Variants in PRICKLE3 observed in about 807,000 individuals in gnomAD.
The protein encoded by PRICKLE3 is LIM domain only protein 6.
PRICKLE3 carries 17 observed loss-of-function variants against 33.8 expected under a neutral mutation model. That is an observed-to-expected ratio of 0.50 (90% CI 0.34 to 0.75). The LOEUF (loss-of-function observed/expected upper bound fraction) is 0.75, where lower values mean the gene tolerates loss of function less well. Ranked by LOEUF, PRICKLE3 falls within the 30% of genes least tolerant of loss-of-function variation. The pLI is 0.01. For missense variants in PRICKLE3, 573 were observed against 576.7 expected, an observed-to-expected ratio of 0.99 and a Z score of 0.07; for synonymous variants, 211 against 219.6, an observed-to-expected ratio of 0.96 and a Z score of 0.34.
chrX:49,186,251 C>A lies in PRICKLE3; in HGVS notation c.42+5G>T. ...ACCCCCACCGCTGCCCTGACTCCCG[C>A]TCACCGCACGCCCGGAGCGGCGCCT... On this transcript the variant is annotated splice_donor_5th_base_variant and intron_variant, in intron 1 of 8. Transcript: ENST00000599218. 1 of 1,157,726 alleles carries A rather than the reference C, an allele frequency of 8.6e-7. No homozygotes were observed. Among genetic ancestry groups the A allele is most frequent in the South Asian group, 1.9e-5 (1 of 52,125 alleles).
In PRICKLE3 at chrX:49,183,757, G is replaced by A. The variant is rs1389845836; in HGVS notation, c.289C>T (p.Pro97Ser). ...ACCTGCTCCGGCTTAAGGCCTGGGG[G>A]CACCCAGGCATACTCCTCCGATGCA... ...GCASEEYAWV[P>S]PGLKPEQVYQ... The change falls in exon 3 of 9, where the codon CCC becomes TCC. Residue 97 changes from proline (P) to serine (S), a missense_variant. Transcript: ENST00000599218. 3.3e-6 allele frequency: 4 copies of A among 1,209,933 alleles called. No homozygotes were observed. Among genetic ancestry groups the A allele is most frequent in the Non-Finnish European group, 4.5e-6 (4 of 895,122 alleles).
rs1471951189 is a variant in PRICKLE3, at chrX:49,176,903, C to A, written c.1255G>T (p.Ala419Ser). ...TKGTSTELAP[A>S]TGPEEPSRFL... The stretch of plus-strand genomic sequence containing the variant: ...GGGTGTGGCTAGAGGGTTAGCTCAC[C>A]TGGCGCTAACTCTGTGCTGGTGCCT... The change falls in exon 8 of 9, where the codon GCT becomes TCT. Residue 419 changes from alanine to serine, a missense_variant and splice_region_variant. Coordinates refer to ENST00000599218, the MANE Select transcript of PRICKLE3 (RefSeq NM_006150.5). 1 of 1,186,026 alleles carries A rather than the reference C, an allele frequency of 8.4e-7. No homozygotes were observed. Among genetic ancestry groups the A allele is most frequent in the African/African-American group, 1.8e-5 (1 of 56,076 alleles).
Position 49,178,082 on chromosome X carries a change from C to T in PRICKLE3, c.866G>A (p.Arg289His), listed in dbSNP as rs782568147. The T allele has an allele frequency of 5.5e-4, 648 of 1,179,016 alleles. 4 individuals carry two copies. The South Asian group carries it at 0.011, about 21-fold the overall frequency. Residue 289 changes from arginine (R) to histidine (H), a missense_variant, in exon 7 of 9, where the codon CGC becomes CAC. Coordinates refer to ENST00000599218, the MANE Select transcript of PRICKLE3 (RefSeq NM_006150.5). ...GGGGCGGCTCTGACGCATGACATAGCGCTGCCCTCCTAGTGAAGCTTCACA... is the reference window on the plus strand; with the variant it reads ...GGGGCGGCTCTGACGCATGACATAGTGCTGCCCTCCTAGTGAAGCTTCACA... ...FECEASLGGQRYVMRQSRPHC... is the reference protein window; with the variant it reads ...FECEASLGGQHYVMRQSRPHC...
At chrX:49,181,527 ATG>A (rs1491160714) in intron 3 of PRICKLE3, among the ~76,000 whole-genome samples, 3 of 92,460 alleles carry the variant, frequency 3.2e-5, no homozygotes, top group Non-Finnish European at 6.4e-5. Flanking sequence ...ATACGTATAT[ATG>A]TGTATATATA....
Position 49,177,019 on chromosome X carries a change from C to T in PRICKLE3, c.1139G>A (p.Arg380His), listed in dbSNP as rs782707548. 7.5e-6 allele frequency: 9 copies of T among 1,207,753 alleles called. No individual in the cohort carries two copies. The highest frequency in any genetic ancestry group is 2.2e-5 in the Admixed American group (1 of 45,652). ...SEPTAPGPSRRSWSAGPVTAP... is the reference protein window; with the variant it reads ...SEPTAPGPSRHSWSAGPVTAP... The stretch of plus-strand genomic sequence containing the variant: ...TGTGACAGGGCCGGCACTCCAGCTG[C>T]GGCGGCTCGGCCCTGGAGCTGTGGG... Residue 380 changes from arginine to histidine, a missense_variant, in exon 8 of 9, where the codon CGC becomes CAC. Physicochemically the swap from Arg to His is conservative, Grantham distance 29. Coordinates refer to ENST00000599218, the MANE Select transcript of PRICKLE3 (RefSeq NM_006150.5).
In PRICKLE3 at chrX:49,178,262, A is replaced by G; in HGVS notation, c.768+10T>C. ...CCTCAACTCCCACCCCTGGGCAGGGAGGCCCAAACCTCGTCACAGGCTTGG... is the reference window on the plus strand; with the variant it reads ...CCTCAACTCCCACCCCTGGGCAGGGGGGCCCAAACCTCGTCACAGGCTTGG... On this transcript the variant is annotated intron_variant, in intron 6 of 8. Transcript: ENST00000599218. 8.3e-7 allele frequency: 1 copy of G among 1,199,098 alleles called. No homozygotes were observed. The highest frequency in any genetic ancestry group is 1.1e-6 in the Non-Finnish European group (1 of 888,405).
intron 7 of PRICKLE3, 25 bp downstream of exon 7, chrX:49,177,968 G>A: frequency 8.8e-7 from 1 of 1,138,885 alleles, no homozygotes; most frequent in Non-Finnish European, 1.2e-6. Context: ...CCATCCCTCT[G>A]TCCAGTCCCA....
In PRICKLE3 at chrX:49,175,900, C is replaced by T; in HGVS notation, c.1621G>A (p.Asp541Asn). 8.3e-7 allele frequency: 1 copy of T among 1,211,692 alleles called. No individual in the cohort carries two copies. The highest frequency in any genetic ancestry group is 1.1e-6 in the Non-Finnish European group (1 of 895,469). The change falls in exon 9 of 9, where the codon GAC (aspartate) becomes AAC (asparagine). Residue 541 changes from aspartate (D) to asparagine (N), a missense_variant. Asp to Asn is a conservative substitution (Grantham distance 23). Transcript: ENST00000599218. ...GGCGAGCTGGAGCAAGATTCCGAGT[C>T]TGACCCTGATCCCGCGTCACATTGA... is the stretch of plus-strand genomic sequence containing the variant. ...HYQCDAGSGS[D>N]SESCSSSPSS...
chrX:49,178,254 G>T lies in PRICKLE3; in HGVS notation c.768+18C>A. 1 of 1,199,855 alleles carries T rather than the reference G, an allele frequency of 8.3e-7. No homozygotes were observed. The highest frequency in any genetic ancestry group is 1.1e-6 in the Non-Finnish European group (1 of 888,929). ...CTGCCCACCCTCAACTCCCACCCCT[G>T]GGCAGGGAGGCCCAAACCTCGTCAC... On this transcript the variant is annotated intron_variant, in intron 6 of 8. Coordinates refer to ENST00000599218, the MANE Select transcript of PRICKLE3 (RefSeq NM_006150.5).
intron 8 of PRICKLE3, among the ~76,000 whole-genome samples, chrX:49,176,624 G>C (rs2065419080): frequency 9.2e-6 from 1 of 108,795 alleles, no homozygotes; most frequent in African/African-American, 3.4e-5. Flanking sequence ...CTGGAGAAGA[G>C]GAAGAGGAAC....
Position 49,175,993 on chromosome X carries a change from G to C in PRICKLE3, c.1528C>G (p.Arg510Gly), listed in dbSNP as rs1409143279. The change falls in exon 9 of 9, where the codon CGT becomes GGT. Residue 510 changes from arginine (R) to glycine (G), a missense_variant. Coordinates refer to ENST00000599218, the MANE Select transcript of PRICKLE3 (RefSeq NM_006150.5). ...TGATTATGATGATGGTGGCGGCGAC[G>C]GCTGGGGGCCCTGGGTGGGGGACTG... ...PRSPPPRAPS[R>G]RRHHHHNHHH... The C allele has an allele frequency of 8.3e-7, 1 of 1,209,002 alleles. No homozygotes were observed. Among genetic ancestry groups the C allele is most frequent in the Non-Finnish European group, 1.1e-6 (1 of 895,045 alleles).
At chrX:49,184,558 G>C (rs2065473273) in intron 2 of PRICKLE3, 67 bp downstream of exon 2, 10 of 980,498 alleles carry the variant, frequency 1.0e-5, no homozygotes, top group African/African-American at 2.0e-5. Context: ...CGTGGCGTAA[G>C]GCTCCTGGAT....
In PRICKLE3 at chrX:49,175,649, A is replaced by G. The variant is rs1557099774; in HGVS notation, c.*24T>C. Reference sequence around the variant, plus strand: ...ATCATCTACTCTGACTGGAGAATGGAGCCCCCTCCAGGACGGCCTGCCTTC... The same window carrying G: ...ATCATCTACTCTGACTGGAGAATGGGGCCCCCTCCAGGACGGCCTGCCTTC... On this transcript the variant is annotated 3_prime_UTR_variant, in exon 9 of 9. Transcript: ENST00000599218. The G allele has an allele frequency of 1.7e-6, 2 of 1,171,334 alleles. No individual in the cohort carries two copies. The highest frequency in any genetic ancestry group is 2.2e-5 in the Admixed American group (1 of 45,172).
intron 7 of PRICKLE3, 27 bp from the exon 8 acceptor site, chrX:49,177,229 C>G: frequency 6.3e-6 from 7 of 1,116,724 alleles, no homozygotes; most frequent in African/African-American, 1.8e-5. Flanking sequence ...GGGGGAAAAA[C>G]TGAGGCAGAA....
Position 49,179,325 on chromosome X carries a change from G to A in PRICKLE3, c.490C>T (p.Arg164Trp). 8.3e-7 allele frequency: 1 copy of A among 1,211,222 alleles called. No homozygotes were observed. Among genetic ancestry groups the A allele is most frequent in the Non-Finnish European group, 1.1e-6 (1 of 895,229 alleles). The change falls in exon 5 of 9, where the codon CGG (arginine) becomes TGG (tryptophan). Residue 164 changes from arginine to tryptophan, a missense_variant. Coordinates refer to ENST00000599218, the MANE Select transcript of PRICKLE3 (RefSeq NM_006150.5). ...KKELRAFSQQ[R>W]KRENLGRGIV... is the part of the protein sequence containing the mutation. ...CCACGCCCCAGATTCTCCCGCTTCC[G>A]CTGCTGGCTAAAGGCTCGGAGCTCT...
At chrX:49,176,579 G>T (rs782572049) in intron 8 of PRICKLE3, among the ~76,000 whole-genome samples, 3 of 109,065 alleles carry the variant, frequency 2.8e-5, no homozygotes, top group Non-Finnish European at 1.9e-5. Context: ...AATAAAAGGG[G>T]TGGGGCCTGA....
chrX:49,180,976 T>G (rs1557100895), intron 3 of PRICKLE3, among the ~76,000 whole-genome samples: 1 of 110,657 alleles, frequency 9.0e-6, no homozygotes, highest in Non-Finnish European at 1.9e-5. Context: ...AAACTGCTCC[T>G]GTCTTGGCCT....
rs1383365493 is a variant in PRICKLE3 at position 49,177,105 on chromosome X, G to T, written c.1053C>A (p.Arg351=). 2.7e-5 allele frequency: 33 copies of T among 1,200,626 alleles called. No individual in the cohort carries two copies. The highest frequency in any genetic ancestry group is 3.7e-5 in the Non-Finnish European group (33 of 890,690). ...CSRCGRALLG[R]PFLPRRGLIF... ...TTAGGCCTCGGCGTGGCAGGAATGG[G>T]CGGCCCAGCAGGGCCCGCCCACAGC... is the stretch of plus-strand genomic sequence containing the variant. Residue 351 remains arginine (R), a synonymous_variant, in exon 8 of 9, where the codon CGC becomes CGA. Transcript: ENST00000599218.
chrX:49,174,962 A>G lies in PRICKLE3; in HGVS notation c.*711T>C. On this transcript the variant is annotated 3_prime_UTR_variant, in exon 9 of 9. Coordinates refer to ENST00000599218, the MANE Select transcript of PRICKLE3 (RefSeq NM_006150.5). ...AACCATGCCCCCACCTAAGTCACAA[A>G]ATGAGGGAAGTGGGGAGTTAGATTT... 2.3e-6 allele frequency: 1 copy of G among 434,930 alleles called. No homozygotes were observed. The highest frequency in any genetic ancestry group is 4.0e-5 in the Admixed American group (1 of 25,101). 35.8% of individuals were successfully genotyped at this position (434,930 alleles called of 1,213,427 possible). A position where few individuals can be genotyped will look rare whatever the true frequency, so the allele number is the denominator to read the frequency against.
Sources: allele counts gnomAD v4.1 joint callset (sites outside exome capture counted in the v4.1 genomes callset), GRCh38; gene constraint gnomAD v4.1.1; transcripts MANE v1.5; gene names NCBI Gene and HGNC (gene_info 2026-07-23, HGNC 2026-07-21).